The following NXNL2 variants were observed in gnomAD, a reference collection of about 807,000 sequenced individuals.
NXNL2 encodes nucleoredoxin-like protein 2.
In NXNL2, 7 loss-of-function variants were observed where a neutral mutation model predicts 11.1. The observed-to-expected ratio is 0.63, with a 90% CI of 0.36 to 1.18. The LOEUF (loss-of-function observed/expected upper bound fraction) is 1.18, where lower values mean the gene tolerates loss of function less well. Among genes scored for constraint, NXNL2 ranks in the 50% most tolerant of loss-of-function variants. The probability of loss-of-function intolerance (pLI) is 0.02; values close to 1 mark genes in which losing one functional copy is unlikely to be tolerated. For missense variants in NXNL2, 233 were observed against 217.7 expected (o/e 1.07, Z -0.44); for synonymous variants, 109 against 101.8 (o/e 1.07, Z -0.42).
chr9:88,556,931 A>T (rs2118479159), intron 1 of NXNL2, among the ~76,000 whole-genome samples: 1 of 152,110 alleles, frequency 6.6e-6, no homozygotes, highest in Admixed American at 6.5e-5. Context: ...GCAAAAAAAA[A>T]TTAGCTGGTT....
chr9:88,563,278 C>T (rs1207725010), intron 1 of NXNL2, among the ~76,000 whole-genome samples: 6 of 152,232 alleles, frequency 3.9e-5, no homozygotes, highest in Admixed American at 2.6e-4. Flanking sequence ...GTGCACTTGG[C>T]GACTTTCTAT....
At position 88,544,763 on chromosome 9, in the gene NXNL2, T is replaced by C; in HGVS notation, c.*216T>C. On this transcript the variant is annotated 3_prime_UTR_variant, in exon 2 of 2. Coordinates refer to ENST00000375854, the MANE Select transcript of NXNL2 (RefSeq NM_001161625.2). ...GCTGTTTGTATTATAGTTATTTTTG[T>C]TATTCTTTGCATACCTTTATCCACC... 7.6e-7 allele frequency: 1 copy of C among 1,310,564 alleles called. No homozygotes were observed. The highest frequency in any genetic ancestry group is 2.3e-5 in the South Asian group (1 of 43,952). The allele number at this position is 1,310,564 out of a possible 1,614,324, so 81.2% of individuals were successfully genotyped here.
At chr9:88,577,625 G>GAGAGAGAGAGAGAGAGAGAGAGAGAGA (rs1830363196), downstream of NXNL2, among the ~76,000 whole-genome samples, 2 of 150,584 alleles carry the variant, frequency 1.3e-5, no homozygotes, top group Admixed American at 6.6e-5. Flanking sequence ...GAGAGAGAAA[G>GAGAGAGAGAGAGAGAGAGAGAGAGAGA]AGAGAGAGAG....
chr9:88,561,816 G>C (rs1182111969), intron 1 of NXNL2, among the ~76,000 whole-genome samples: 1 of 152,222 alleles, frequency 6.6e-6, no homozygotes, highest in African/African-American at 2.4e-5. Context: ...GGAAAGCCAA[G>C]CTCAGGAGAA....
intron 1 of NXNL2, among the ~76,000 whole-genome samples, chr9:88,558,611 A>C (rs1324570740): frequency 6.6e-6 from 1 of 152,072 alleles, no homozygotes; most frequent in Non-Finnish European, 1.5e-5. Flanking sequence ...TCTGAAGTAG[A>C]AGAGGCCGTC....
intron 1 of NXNL2, among the ~76,000 whole-genome samples, chr9:88,540,894 T>C (rs1169188987): frequency 1.3e-5 from 2 of 150,818 alleles, no homozygotes; most frequent in African/African-American, 4.9e-5. Context: ...ATTTTTGATA[T>C]TCTTGTGCCT....
At chr9:88,564,427 A>T (rs1010329573) in intron 1 of NXNL2, among the ~76,000 whole-genome samples, 8 of 151,150 alleles carry the variant, frequency 5.3e-5, no homozygotes, top group Admixed American at 1.3e-4. Context: ...TTATTTATTT[A>T]TTTTTTGAGA....
chr9:88,550,777 A>G (rs1741601852), intron 1 of NXNL2, among the ~76,000 whole-genome samples: 2 of 152,216 alleles, frequency 1.3e-5, no homozygotes, highest in South Asian at 2.1e-4. Flanking sequence ...TCTGAGGTCT[A>G]TGTGCCAGTA....
chr9:88,577,364 C>T (rs533716027), downstream of NXNL2, among the ~76,000 whole-genome samples: 19 of 152,132 alleles, frequency 1.2e-4, no homozygotes, highest in African/African-American at 4.6e-4. Flanking sequence ...TGAGAACAGC[C>T]CTGCACAGAC....
chr9:88,541,880 T>A (rs746672872), intron 1 of NXNL2, among the ~76,000 whole-genome samples: 1 of 152,226 alleles, frequency 6.6e-6, no homozygotes, highest in Admixed American at 6.5e-5. Context: ...TACTTTGTCA[T>A]CTGCGTTACT....
downstream of NXNL2, among the ~76,000 whole-genome samples, chr9:88,578,409 T>C (rs1026821995): frequency 6.6e-6 from 1 of 152,254 alleles, no homozygotes; most frequent in African/African-American, 2.4e-5. Context: ...ATACAAGCAA[T>C]GCAGAAAAAC....
chr9:88,568,939 T>G (rs1264417522), intron 1 of NXNL2, among the ~76,000 whole-genome samples: 2 of 152,188 alleles, frequency 1.3e-5, no homozygotes, highest in African/African-American at 4.8e-5. Flanking sequence ...ATGAATTTTT[T>G]TTTTTCTTGG....
downstream of NXNL2, among the ~76,000 whole-genome samples, chr9:88,579,781 C>A (rs945168830): frequency 1.3e-5 from 2 of 152,120 alleles, no homozygotes; most frequent in Non-Finnish European, 1.5e-5. Flanking sequence ...TGGCCCCAAA[C>A]AAATGTCCAC....
chr9:88,548,682 CAAAA>C (rs34096783), downstream of NXNL2, among the ~76,000 whole-genome samples: 1 of 78,878 alleles, frequency 1.3e-5, no homozygotes, highest in African/African-American at 3.9e-5. Flanking sequence ...GACTCTGTCT[CAAAA>C]AAAAAAAAAA....
intron 1 of NXNL2, among the ~76,000 whole-genome samples, chr9:88,555,051 T>C (rs1220731697): frequency 6.6e-6 from 1 of 152,228 alleles, no homozygotes; most frequent in African/African-American, 2.4e-5. Context: ...TCAGACCAGA[T>C]GGTACACAAG....
chr9:88,569,332 CT>C (rs552735953), intron 1 of NXNL2, among the ~76,000 whole-genome samples: 160 of 152,174 alleles, frequency 1.1e-3, no homozygotes, highest in Admixed American at 8.9e-3. Flanking sequence ...TCCTTTCTTC[CT>C]TTTTTTTCTT....
chr9:88,546,870 G>C (rs773295691), downstream of NXNL2, among the ~76,000 whole-genome samples: 2 of 152,170 alleles, frequency 1.3e-5, no homozygotes, highest in Non-Finnish European at 2.9e-5. Context: ...CACTGTGGAC[G>C]AACATCAGGA....
intron 2 of NXNL2, among the ~76,000 whole-genome samples, chr9:88,574,475 G>A (rs1830319528): frequency 6.6e-6 from 1 of 152,174 alleles, no homozygotes; most frequent in Non-Finnish European, 1.5e-5. Flanking sequence ...AGAAAGGAGG[G>A]ACAACTCGAA....
chr9:88,539,262 C>T (rs751733291), intron 1 of NXNL2, among the ~76,000 whole-genome samples: 1 of 152,192 alleles, frequency 6.6e-6, no homozygotes, highest in Non-Finnish European at 1.5e-5. Flanking sequence ...CCTGACAGTG[C>T]TGGTCAAAGG....
Sources: gnomAD v4.1 joint callset for allele counts (sites outside exome capture counted in the v4.1 genomes callset) on GRCh38, gnomAD v4.1.1 for gene constraint, MANE v1.5 for transcripts, NCBI Gene and HGNC (gene_info 2026-07-23, HGNC 2026-07-21) for gene names.